Variants in ZC3H12B observed in about 807,000 individuals in gnomAD.
ZC3H12B encodes the protein probable ribonuclease ZC3H12B.
Under a neutral mutation model 43.9 loss-of-function variants are expected in ZC3H12B, and 7 were observed. That is an observed-to-expected ratio of 0.16 (90% CI 0.09 to 0.30). The LOEUF (loss-of-function observed/expected upper bound fraction) is 0.30. Ranked by LOEUF, ZC3H12B falls within the 10% of genes least tolerant of loss-of-function variation. The pLI is 1.00. For synonymous variants in ZC3H12B, 222 were observed against 241.7 expected, an observed-to-expected ratio of 0.92 and a Z score of 0.76; for missense variants, 475 against 670.2, an observed-to-expected ratio of 0.71 and a Z score of 3.22.
In ZC3H12B at chrX:65,388,282, C is replaced by T. The variant is rs763986743; in HGVS notation, n.296-10311C>T. Among the ~76,000 whole-genome samples, 196 of 112,258 alleles carry T rather than the reference C, an allele frequency of 1.7e-3. 2 individuals are homozygous for T. The highest frequency in any genetic ancestry group is 6.1e-3 in the African/African-American group (190 of 30,915). ...CCCCGTGACTTTCAGGTACACGAAT[C>T]AGACATAGATTTGGTCTTTTCACAT... On this transcript the variant is annotated intron_variant and non_coding_transcript_variant, in intron 2 of 5. Coordinates refer to the ZC3H12B transcript ENST00000617377.
the ZC3H12B span, among the ~76,000 whole-genome samples, chrX:65,176,551 C>T: frequency 9.0e-6 from 1 of 111,513 alleles, no homozygotes; most frequent in Non-Finnish European, 1.9e-5. Flanking sequence ...GGACAGACTG[C>T]TTTCTTAAGT....
At chrX:65,248,248 G>A in the ZC3H12B span, among the ~76,000 whole-genome samples, 2 of 110,844 alleles carry the variant, frequency 1.8e-5, no homozygotes, top group Non-Finnish European at 1.9e-5. Context: ...ATGTTGTCCT[G>A]GCTGGTCTTG....
chrX:65,150,937 C>T, the ZC3H12B span, among the ~76,000 whole-genome samples: 2 of 111,627 alleles, frequency 1.8e-5, no homozygotes, highest in African/African-American at 6.5e-5. Context: ...GATAAGCACA[C>T]AATCCCATTT....
At chrX:65,364,568 C>CACTCCCACCTACCTCCCACTGAA (rs764510903), upstream of ZC3H12B, among the ~76,000 whole-genome samples, 1 of 109,069 alleles carries the variant, frequency 9.2e-6, no homozygotes, top group African/African-American at 3.5e-5. Flanking sequence ...TGGCACCGGT[C>CACTCCCACCTACCTCCCACTGAA]ACTTCCACCT....
At chrX:65,136,741 C>T in the ZC3H12B span, among the ~76,000 whole-genome samples, 1 of 111,442 alleles carries the variant, frequency 9.0e-6, no homozygotes, top group Non-Finnish European at 1.9e-5. Context: ...TCTCTCAACT[C>T]GTGAAGTCCC....
At chrX:65,180,644 T>G in the ZC3H12B span, among the ~76,000 whole-genome samples, 1 of 111,389 alleles carries the variant, frequency 9.0e-6, no homozygotes, top group East Asian at 2.8e-4. Flanking sequence ...AGCCAAATCA[T>G]GAGTAAACTG....
chrX:65,464,888 CA>C (rs1280862087), intron 3 of ZC3H12B, among the ~76,000 whole-genome samples: 2 of 111,343 alleles, frequency 1.8e-5, no homozygotes, highest in African/African-American at 6.5e-5. Context: ...TATTTAGAAT[CA>C]TCTGATTGAT....
the ZC3H12B span, among the ~76,000 whole-genome samples, chrX:65,228,344 T>C: frequency 8.9e-6 from 1 of 111,783 alleles, no homozygotes; most frequent in Non-Finnish European, 1.9e-5. Flanking sequence ...CACTTCATAC[T>C]AAAAACTCTC....
chrX:65,300,484 A>G, the ZC3H12B span, among the ~76,000 whole-genome samples: 2 of 110,976 alleles, frequency 1.8e-5, no homozygotes, highest in Non-Finnish European at 3.8e-5. Flanking sequence ...AAAGACCCCC[A>G]TCCCCCACAG....
chrX:65,199,728 A>G, the ZC3H12B span, among the ~76,000 whole-genome samples: 1 of 109,802 alleles, frequency 9.1e-6, no homozygotes, highest in African/African-American at 3.3e-5. Context: ...TTGTTTGCTG[A>G]TGATAATGGT....
chrX:65,103,147 C>T, the ZC3H12B span, among the ~76,000 whole-genome samples: 1 of 111,224 alleles, frequency 9.0e-6, no homozygotes, highest in South Asian at 3.8e-4. Flanking sequence ...CTATGGGAGA[C>T]CGGGGCTTAT....
At chrX:65,452,841 AACACACAC>A (rs111853414) in intron 3 of ZC3H12B, among the ~76,000 whole-genome samples, 55 of 92,247 alleles carry the variant, frequency 6.0e-4, no homozygotes, top group East Asian at 5.1e-3. Flanking sequence ...ACTCCATCTA[AACACACAC>A]ACACACACAC....
chrX:65,317,343 C>T, the ZC3H12B span, among the ~76,000 whole-genome samples: 5 of 110,175 alleles, frequency 4.5e-5, no homozygotes, highest in African/African-American at 1.3e-4. Flanking sequence ...TGCTGAACTG[C>T]ATACAATTAC....
At chrX:65,429,480 A>G (rs1377675090) in intron 3 of ZC3H12B, among the ~76,000 whole-genome samples, 2 of 112,050 alleles carry the variant, frequency 1.8e-5, no homozygotes, top group Non-Finnish European at 3.8e-5. Flanking sequence ...GGAGGTTCCA[A>G]CCGGTAAGGA....
chrX:65,466,002 G>C (rs2067812939), intron 3 of ZC3H12B, among the ~76,000 whole-genome samples: 2 of 110,244 alleles, frequency 1.8e-5, no homozygotes, highest in Non-Finnish European at 3.8e-5. Context: ...ATTTTTATAT[G>C]TGATGAGCAC....
At chrX:65,267,566 T>A in the ZC3H12B span, among the ~76,000 whole-genome samples, 1 of 110,879 alleles carries the variant, frequency 9.0e-6, no homozygotes, top group Admixed American at 9.6e-5. Context: ...AAAAATTAAA[T>A]CATCTGTGCT....
At chrX:65,445,644 T>A (rs1418116717) in intron 3 of ZC3H12B, among the ~76,000 whole-genome samples, 2 of 112,390 alleles carry the variant, frequency 1.8e-5, no homozygotes, top group East Asian at 5.6e-4. Flanking sequence ...CTGTGGCAAC[T>A]ATTGTCTGGC....
chrX:65,338,817 C>A, the ZC3H12B span, among the ~76,000 whole-genome samples: 20 of 112,155 alleles, frequency 1.8e-4, no homozygotes, highest in Non-Finnish European at 2.3e-4. Flanking sequence ...TCCAACATCT[C>A]TTTATGACAA....
At chrX:65,461,328 T>C (rs2067742538) in intron 3 of ZC3H12B, among the ~76,000 whole-genome samples, 1 of 112,255 alleles carries the variant, frequency 8.9e-6, no homozygotes, top group African/African-American at 3.2e-5. Context: ...AGAAATAGCA[T>C]TTGATCCAGC....
Sources: gnomAD v4.1 joint callset for allele counts (sites outside exome capture counted in the v4.1 genomes callset) on GRCh38, gnomAD v4.1.1 for gene constraint, MANE v1.5 for transcripts, NCBI Gene and HGNC (gene_info 2026-07-23, HGNC 2026-07-21) for gene names.